Variants in TMEM63A observed in about 807,000 individuals in gnomAD.
The protein encoded by TMEM63A is transmembrane protein 63A.
Under a neutral mutation model 100.6 loss-of-function variants are expected in TMEM63A, and 76 were observed. The observed-to-expected ratio is 0.76, with a 90% CI of 0.63 to 0.91. TMEM63A has a LOEUF of 0.91. Among genes scored for constraint, TMEM63A ranks in the 40% least tolerant of loss-of-function variants. The probability of loss-of-function intolerance (pLI) is 0.00; values close to 1 mark genes in which losing one functional copy is unlikely to be tolerated. For missense variants in TMEM63A, 876 were observed against 1,008.8 expected (o/e 0.87, Z 1.78); for synonymous variants, 401 against 401.1 (o/e 1.00, Z 0.00).
downstream of TMEM63A, chr1:225,844,715 G>A (rs1668782314): frequency 6.4e-7 from 1 of 1,570,076 alleles, no homozygotes; most frequent in Non-Finnish European, 8.6e-7. Flanking sequence ...TTGGTGGTGG[G>A]ATAAGTATAG....
intron 5 of TMEM63A, chr1:225,871,455 T>C (rs536290670): frequency 1.1e-5 from 3 of 271,364 alleles, no homozygotes; most frequent in South Asian, 5.9e-5. Context: ...ACAAGCCTAA[T>C]GGATTGGACG....
intron 15 of TMEM63A, among the ~76,000 whole-genome samples, chr1:225,858,543 T>A (rs1339818239): frequency 6.6e-6 from 1 of 152,152 alleles, no homozygotes; most frequent in Non-Finnish European, 1.5e-5. Context: ...CAGGCTAGTC[T>A]CGAACTCCTG....
Position 225,862,122 on chromosome 1 carries a change from G to A in TMEM63A, c.1085+96C>T, listed in dbSNP as rs1576090347. 7 of 1,523,540 alleles carry A rather than the reference G, an allele frequency of 4.6e-6. No individual in the cohort carries two copies. In the East Asian group the frequency reaches 1.2e-4, roughly 25 times the overall value. The allele number at this position is 1,523,540 out of a possible 1,614,324, so 94.4% of individuals were successfully genotyped here. A position where few individuals can be genotyped will look rare whatever the true frequency, so the allele number is the denominator to read the frequency against. ...CCACAGATAAATCCCAGGGATGGTG[G>A]GTCAGCAGTACCATCTCCACTCGAG... On this transcript the variant is annotated intron_variant, in intron 13 of 24. Coordinates refer to ENST00000366835, the MANE Select transcript of TMEM63A (RefSeq NM_014698.3). The surrounding 1 kb of genome is among the most constrained non-coding windows in gnomAD (Gnocchi z 5.1).
intron 14 of TMEM63A, 187 bp from the exon 15 acceptor site, chr1:225,859,536 C>T: frequency 1.5e-6 from 1 of 685,974 alleles, no homozygotes; most frequent in Non-Finnish European, 2.4e-6. Context: ...ATTATTCTCT[C>T]AGATGTGGCT....
rs746533651 is a variant in TMEM63A at position 225,852,653 on chromosome 1, G to C, written c.1903+11C>G. On this transcript the variant is annotated intron_variant, in intron 20 of 24. Coordinates refer to ENST00000366835, the MANE Select transcript of TMEM63A (RefSeq NM_014698.3). ...CCCATGTACCCTGGGACAGGCTCCA[G>C]GGCCACTCACCAAATGGCGCGATGA... 3 of 1,612,052 alleles carry C rather than the reference G, an allele frequency of 1.9e-6. No individual in the cohort carries two copies. Among genetic ancestry groups the C allele is most frequent in the Non-Finnish European group, 2.5e-6 (3 of 1,179,770 alleles).
At chr1:225,871,181 T>G in intron 5 of TMEM63A, 68 bp from the exon 6 acceptor site, 1 of 1,518,968 alleles carries the variant, frequency 6.6e-7, no homozygotes, top group Non-Finnish European at 9.1e-7. Flanking sequence ...GTAACCATTG[T>G]CTTTGACATT....
chr1:225,848,701 G>A, intron 22 of TMEM63A, 147 bp from the exon 23 acceptor site: 1 of 925,280 alleles, frequency 1.1e-6, no homozygotes. Flanking sequence ...ATGGGGTGGG[G>A]GAGTGCAGGG....
At position 225,865,823 on chromosome 1, in the gene TMEM63A, G is replaced by A; in HGVS notation, c.746+74C>T. On this transcript the variant is annotated intron_variant, in intron 10 of 24. Coordinates refer to ENST00000366835, the MANE Select transcript of TMEM63A (RefSeq NM_014698.3). The surrounding 1 kb of genome is among the most constrained non-coding windows in gnomAD (Gnocchi z 4.6). The stretch of plus-strand genomic sequence containing the variant: ...GAGACAGAAGGCGCTCACCTAAGGT[G>A]CTCGCCCTGCGGGTGGGGCTGTGTT... 6.6e-7 allele frequency: 1 copy of A among 1,508,182 alleles called. No individual in the cohort carries two copies. Among genetic ancestry groups the A allele is most frequent in the Non-Finnish European group, 9.1e-7 (1 of 1,094,698 alleles). 93.4% of individuals were successfully genotyped at this position (1,508,182 alleles called of 1,614,324 possible).
rs1308847695 is a variant in TMEM63A at position 225,865,795 on chromosome 1, C to G, written c.746+102G>C. On this transcript the variant is annotated intron_variant, in intron 10 of 24. Transcript: ENST00000366835. This position sits in a 1 kb window ranked among gnomAD's most constrained non-coding sequence, Gnocchi z 4.6. ...CTCAGATCTCACCTGGATACCCAAG[C>G]GAGAGACAGAAGGCGCTCACCTAAG... The G allele has an allele frequency of 8.3e-7, 1 of 1,198,854 alleles. No homozygotes were observed. The highest frequency in any genetic ancestry group is 1.5e-5 in the African/African-American group (1 of 66,012). The allele number at this position is 1,198,854 out of a possible 1,614,324, so 74.3% of individuals were successfully genotyped here. A position where few individuals can be genotyped will look rare whatever the true frequency, so the allele number is the denominator to read the frequency against.
downstream of TMEM63A, among the ~76,000 whole-genome samples, chr1:225,842,048 TA>T (rs939503771): frequency 4.6e-5 from 7 of 152,246 alleles, no homozygotes; most frequent in African/African-American, 1.7e-4. Flanking sequence ...CCCGCCTTTT[TA>T]AAAACAGCAC....
intron 15 of TMEM63A, among the ~76,000 whole-genome samples, chr1:225,858,964 G>A (rs1490606608): frequency 1.3e-5 from 2 of 149,540 alleles, no homozygotes; most frequent in Admixed American, 6.7e-5. Context: ...GTGTGTGTGT[G>A]TGTGTGTGTG....
At chr1:225,877,853 T>A (rs1351027987) in intron 2 of TMEM63A, among the ~76,000 whole-genome samples, 3 of 152,062 alleles carry the variant, frequency 2.0e-5, no homozygotes, top group African/African-American at 7.2e-5. Context: ...AGTGGGCAGA[T>A]CCCCAGAGGG....
rs1232386483 is a variant in TMEM63A at position 225,871,184 on chromosome 1, T to G, written c.334-71A>C. On this transcript the variant is annotated intron_variant, in intron 5 of 24. Coordinates refer to ENST00000366835, the MANE Select transcript of TMEM63A (RefSeq NM_014698.3). ...TGAGAGGCAGATGTAACCATTGTCTTTGACATTAAATAACCATTTAACCTC... is the reference window on the plus strand; with the variant it reads ...TGAGAGGCAGATGTAACCATTGTCTGTGACATTAAATAACCATTTAACCTC... 8 of 1,514,122 alleles carry G rather than the reference T, an allele frequency of 5.3e-6. No individual in the cohort carries two copies. The Admixed American group carries it at 5.4e-5, about 10-fold the overall frequency. The allele number at this position is 1,514,122 out of a possible 1,614,324, so 93.8% of individuals were successfully genotyped here. A position where few individuals can be genotyped will look rare whatever the true frequency, so the allele number is the denominator to read the frequency against.
chr1:225,845,033 T>C, downstream of TMEM63A: 1 of 1,138,538 alleles, frequency 8.8e-7, no homozygotes, highest in Non-Finnish European at 1.3e-6. Context: ...TCTTTATGGC[T>C]CCTTGTGGGT....
At chr1:225,848,632 A>G (rs1669151056) in intron 22 of TMEM63A, 78 bp from the exon 23 acceptor site, 5 of 1,465,768 alleles carry the variant, frequency 3.4e-6, no homozygotes, top group Admixed American at 1.7e-5. Context: ...CACACAGACT[A>G]TTAACACCCG....
chr1:225,854,279 C>T (rs944804456), intron 18 of TMEM63A, among the ~76,000 whole-genome samples: 3 of 152,018 alleles, frequency 2.0e-5, no homozygotes, highest in Non-Finnish European at 2.9e-5. Flanking sequence ...CAGCAGTGGG[C>T]GAGGGGAGGC....
chr1:225,849,129 G>A, intron 21 of TMEM63A, 117 bp from the exon 22 acceptor site: 2 of 780,600 alleles, frequency 2.6e-6, no homozygotes, highest in East Asian at 2.7e-5. Context: ...TCTCCCTCAG[G>A]CAGAAAATAA....
At position 225,867,891 on chromosome 1, in the gene TMEM63A, G is replaced by A; in HGVS notation, c.511C>T (p.Leu171=). ...ILPVNLSGDL[L]DKDPYSFGRT... is the part of the protein sequence containing the mutation. ...CAAGGGTGAGGAGGGTCATTACCCAGCAAGTCCCCTGAGAGGTTGACAGGC... is the reference window on the plus strand; with the variant it reads ...CAAGGGTGAGGAGGGTCATTACCCAACAAGTCCCCTGAGAGGTTGACAGGC... The change falls in exon 7 of 25, where the codon CTG becomes TTG. Residue 171 remains leucine (L), a synonymous_variant. Transcript: ENST00000366835. This position sits in a 1 kb window ranked among gnomAD's most constrained non-coding sequence, Gnocchi z 4.6. 1 of 1,614,108 alleles carries A rather than the reference G, an allele frequency of 6.2e-7. No individual in the cohort carries two copies. Among genetic ancestry groups the A allele is most frequent in the Non-Finnish European group, 8.5e-7 (1 of 1,180,008 alleles).
chr1:225,873,526 C>T (rs570483538), intron 4 of TMEM63A, among the ~76,000 whole-genome samples: 12 of 152,272 alleles, frequency 7.9e-5, no homozygotes, highest in African/African-American at 2.2e-4. Context: ...CACTCACTTC[C>T]TATTACCACA....
Sources: gnomAD v4.1 joint callset for allele counts (sites outside exome capture counted in the v4.1 genomes callset) on GRCh38, gnomAD v4.1.1 for gene constraint, Gnocchi (gnomAD v3.1) non-coding constraint, MANE v1.5 for transcripts, NCBI Gene and HGNC (gene_info 2026-07-23, HGNC 2026-07-21) for gene names.